Variants in ZNF185 observed in about 807,000 individuals in gnomAD.
ZNF185 encodes the protein zinc finger protein 185.
Under a neutral mutation model 58.6 loss-of-function variants are expected in ZNF185, and 56 were observed. That is an observed-to-expected ratio of 0.95 (90% CI 0.77 to 1.19). The LOEUF (loss-of-function observed/expected upper bound fraction) is 1.19, where lower values mean the gene tolerates loss of function less well. Among genes scored for constraint, ZNF185 ranks in the 50% most tolerant of loss-of-function variants. The pLI is 0.00. For synonymous variants in ZNF185, 230 were observed against 215.9 expected, an observed-to-expected ratio of 1.07 and a Z score of -0.57; for missense variants, 627 against 573.5, an observed-to-expected ratio of 1.09 and a Z score of -0.95.
At chrX:152,930,790 C>T (rs1849492554) in intron 12 of ZNF185, among the ~76,000 whole-genome samples, 1 of 111,139 alleles carries the variant, frequency 9.0e-6, no homozygotes, top group Admixed American at 9.6e-5. Flanking sequence ...GGTGAGAAGG[C>T]TGGAGTGGCC....
intron 6 of ZNF185, among the ~76,000 whole-genome samples, chrX:152,918,752 C>T (rs1238561174): frequency 1.8e-5 from 2 of 111,737 alleles, no homozygotes; most frequent in East Asian, 5.6e-4. Context: ...CGTTGTTTGT[C>T]CCTTGCCTCC....
At chrX:152,906,568 G>T in the ZNF185 span, among the ~76,000 whole-genome samples, 1 of 112,827 alleles carries the variant, frequency 8.9e-6, no homozygotes, top group Non-Finnish European at 1.9e-5. Context: ...CAGCACTCTG[G>T]GCTGTGTCCC....
chrX:152,905,628 G>A, the ZNF185 span, among the ~76,000 whole-genome samples: 1 of 108,544 alleles, frequency 9.2e-6, no homozygotes, highest in Non-Finnish European at 1.9e-5. Context: ...CAGGAGCCTC[G>A]ACACCCCCAC....
rs374950247 is a variant in ZNF185, at chrX:152,914,769, C to T, written c.94C>T (p.Arg32Ter). The T allele has an allele frequency of 4.2e-6, 5 of 1,189,689 alleles. No homozygotes were observed. The highest frequency in any genetic ancestry group is 4.5e-6 in the Non-Finnish European group (4 of 885,490). Residue 32 changes from arginine (R) to a stop codon, truncating the protein, a stop_gained, in exon 2 of 23, where the codon CGA (arginine) becomes TGA (stop). Coordinates refer to ENST00000449285, the Ensembl canonical transcript of ZNF185. LOFTEE classifies it high-confidence loss of function. ...TAACGTTCTCAAGCAGATGAAAGTG[C>T]GAACCACGCTGAAGGGGGACAAGAG...
chrX:152,905,898 G>A, the ZNF185 span, among the ~76,000 whole-genome samples: 3 of 112,106 alleles, frequency 2.7e-5, no homozygotes, highest in Non-Finnish European at 3.8e-5. Context: ...CTCCCCTCCA[G>A]GGGAGCTACC....
At chrX:152,957,896 C>T (rs1253879402) in intron 16 of ZNF185, among the ~76,000 whole-genome samples, 1 of 112,376 alleles carries the variant, frequency 8.9e-6, no homozygotes, top group African/African-American at 3.2e-5. Context: ...TCAGTTTGCA[C>T]AGAGAGAGAG....
chrX:152,900,266 G>T, the ZNF185 span, among the ~76,000 whole-genome samples: 1 of 112,653 alleles, frequency 8.9e-6, no homozygotes, highest in African/African-American at 3.2e-5. Context: ...ACTGTCTTCA[G>T]TTGCATGCCA....
intron 4 of ZNF185, 44 bp downstream of exon 5, chrX:152,917,213 C>T (rs375693973): frequency 1.0e-4 from 121 of 1,209,618 alleles, no homozygotes; most frequent in African/African-American, 8.7e-4. Flanking sequence ...TGCCCACTCA[C>T]GCCAAGCCCT....
At chrX:152,970,475 C>G (rs999251208) in exon 22 of ZNF185, 5 of 1,210,542 alleles carry the variant, frequency 4.1e-6, no homozygotes, top group Non-Finnish European at 5.6e-6. Context: ...TGGGCGATCT[C>G]CTGGATCAGA....
chrX:152,939,626 GCTT>G (rs1702774534), intron 15 of ZNF185, among the ~76,000 whole-genome samples: 1 of 111,338 alleles, frequency 9.0e-6, no homozygotes, highest in African/African-American at 3.3e-5. Context: ...AAAGGATAAG[GCTT>G]CTTATTATGC....
chrX:152,912,718 C>A, upstream of ZNF185, among the ~76,000 whole-genome samples: 1 of 112,549 alleles, frequency 8.9e-6, no homozygotes, highest in Non-Finnish European at 1.9e-5. Flanking sequence ...GGTCCTCCTG[C>A]AGGTGAAAAG....
the ZNF185 span, among the ~76,000 whole-genome samples, chrX:152,901,439 ATTT>A: frequency 4.0e-5 from 4 of 100,490 alleles, no homozygotes; most frequent in African/African-American, 7.2e-5. Context: ...TTTATCTTTA[ATTT>A]TTTTTTTTTT....
intron 11 of ZNF185, 137 bp downstream of exon 12, chrX:152,922,946 A>C: frequency 3.2e-5 from 16 of 503,376 alleles, no homozygotes; most frequent in Non-Finnish European, 4.6e-5. Context: ...TGGTGATCTC[A>C]CTCCAGGAAG....
At chrX:152,913,733 G>T (rs782297002), upstream of ZNF185, among the ~76,000 whole-genome samples, 3 of 112,113 alleles carry the variant, frequency 2.7e-5, no homozygotes, top group East Asian at 8.4e-4. Flanking sequence ...CATTCTTGGC[G>T]CTGTTTGAGG....
chrX:152,968,680 C>T (rs1862378952), intron 20 of ZNF185, among the ~76,000 whole-genome samples: 1 of 112,799 alleles, frequency 8.9e-6, no homozygotes, highest in South Asian at 3.6e-4. Context: ...TTAATGTCCC[C>T]CCGCCCCTTG....
chrX:152,922,316 A>C (rs1939898440), intron 10 of ZNF185, 60 bp downstream of exon 11: 1 of 1,074,539 alleles, frequency 9.3e-7, no homozygotes, highest in Admixed American at 2.7e-5. Context: ...CCACTCAGTC[A>C]CTGAGGAACC....
chrX:152,938,891 TCAGGCGA>T (rs2046753902), intron 15 of ZNF185, among the ~76,000 whole-genome samples: 1 of 84,604 alleles, frequency 1.2e-5, no homozygotes, highest in African/African-American at 5.7e-5. Context: ...AAAAGGCAAC[TCAGGCGA>T]TCTCCTCTAA....
the ZNF185 span, among the ~76,000 whole-genome samples, chrX:152,902,819 G>A: frequency 8.9e-6 from 1 of 112,160 alleles, no homozygotes; most frequent in African/African-American, 3.2e-5. Context: ...GGTCTAGAGT[G>A]GGCAGAAAGA....
At chrX:152,939,225 G>A (rs2046844698) in intron 15 of ZNF185, among the ~76,000 whole-genome samples, 1 of 108,516 alleles carries the variant, frequency 9.2e-6, no homozygotes, top group Admixed American at 1.0e-4. Flanking sequence ...GGGGGCTGGG[G>A]TGGGCAATGG....
Sources: allele counts gnomAD v4.1 joint callset (sites outside exome capture counted in the v4.1 genomes callset), GRCh38; gene constraint gnomAD v4.1.1; transcripts MANE v1.5; gene names NCBI Gene and HGNC (gene_info 2026-07-23, HGNC 2026-07-21).